NCAPH: variants seen among roughly 807,000 people sequenced by gnomAD.
NCAPH encodes condensin complex subunit 2.
In NCAPH, 38 loss-of-function variants were observed where a neutral mutation model predicts 85.5. That is an observed-to-expected ratio of 0.44 (90% CI 0.34 to 0.58). The LOEUF is 0.58. Among genes scored for constraint, NCAPH ranks in the 20% least tolerant of loss-of-function variants. The pLI is 0.01. For missense variants in NCAPH, 789 were observed against 916.6 expected, an observed-to-expected ratio of 0.86 and a Z score of 1.80; for synonymous variants, 301 against 335.1, an observed-to-expected ratio of 0.90 and a Z score of 1.11.
chr2:96,354,050 G>A (rs2064486274), intron 8 of NCAPH, 133 bp from the exon 9 acceptor site: 1 of 851,780 alleles, frequency 1.2e-6, no homozygotes, highest in African/African-American at 1.7e-5. Flanking sequence ...GCAGGGGATG[G>A]GAAAGGGAAG....
In NCAPH at chr2:96,335,805, C is replaced by T. The variant is rs1163387902; in HGVS notation, c.-25C>T. ...GCGTCTCGACGCGCGCGATTTAAAA[C>T]CAGCTCAGGAGACGCCAAGGAAAGA... On this transcript the variant is annotated 5_prime_UTR_variant, in exon 1 of 18. Coordinates refer to ENST00000240423, the MANE Select transcript of NCAPH (RefSeq NM_015341.5). The T allele has an allele frequency of 1.8e-5, 27 of 1,485,884 alleles. No homozygotes were observed. The highest frequency in any genetic ancestry group is 2.3e-5 in the Non-Finnish European group (26 of 1,121,504). The allele number at this position is 1,485,884 out of a possible 1,614,324, so 92.0% of individuals were successfully genotyped here.
At chr2:96,357,311 A>T (rs1055271239) in intron 9 of NCAPH, among the ~76,000 whole-genome samples, 1 of 152,168 alleles carries the variant, frequency 6.6e-6, no homozygotes, top group South Asian at 2.1e-4. Flanking sequence ...GGGACTGGAG[A>T]TGTTTGAAGT....
At chr2:96,370,585 A>G (rs943266053) in intron 17 of NCAPH, among the ~76,000 whole-genome samples, 1 of 152,192 alleles carries the variant, frequency 6.6e-6, no homozygotes, top group Non-Finnish European at 1.5e-5. Context: ...CCAGTGACCT[A>G]CCACTGGAAG....
intron 11 of NCAPH, 47 bp downstream of exon 11, chr2:96,360,296 C>A: frequency 8.9e-7 from 1 of 1,122,358 alleles, no homozygotes; most frequent in Non-Finnish European, 1.3e-6. Context: ...TTTTCCCTTT[C>A]AGATGTGATT....
chr2:96,369,557 A>G (rs775475284), intron 17 of NCAPH, 57 bp downstream of exon 17: 8 of 1,519,556 alleles, frequency 5.3e-6, no homozygotes, highest in Admixed American at 1.7e-5. Flanking sequence ...ATGTCAACTC[A>G]TTTAGCTTTG....
chr2:96,342,565 C>A (rs185771550), intron 3 of NCAPH, among the ~76,000 whole-genome samples, 191 bp from the exon 4 acceptor site: 1 of 152,336 alleles, frequency 6.6e-6, no homozygotes, highest in Admixed American at 6.5e-5. Context: ...TTTGTGCCGT[C>A]ATTCCCTAGC....
chr2:96,366,095 T>A (rs1176361564), intron 14 of NCAPH, 37 bp downstream of exon 14: 1 of 1,599,416 alleles, frequency 6.3e-7, no homozygotes, highest in Admixed American at 1.7e-5. Flanking sequence ...ATTGTTTGCC[T>A]GAAATCTATT....
In NCAPH at chr2:96,376,663, G is replaced by A. The variant is rs1007657166; in HGVS notation, c.*3312G>A. On this transcript the variant is annotated 3_prime_UTR_variant, in exon 18 of 18. Coordinates refer to ENST00000240423, the MANE Select transcript of NCAPH (RefSeq NM_015341.5). Reference sequence around the variant, plus strand: ...CACCACAAGGATTTGCAGCATCTGCGGCAACGAGTTTGGTGTCCTGGAGCA... The same window carrying A: ...CACCACAAGGATTTGCAGCATCTGCAGCAACGAGTTTGGTGTCCTGGAGCA... Among the ~76,000 whole-genome samples the A allele has an allele frequency of 6.6e-6, 1 of 152,176 alleles. No individual in the cohort carries two copies. Among genetic ancestry groups the A allele is most frequent in the South Asian group, 2.1e-4 (1 of 4,832 alleles).
At chr2:96,345,911 A>G (rs1434555137) in intron 6 of NCAPH, among the ~76,000 whole-genome samples, 2 of 152,158 alleles carry the variant, frequency 1.3e-5, no homozygotes, top group African/African-American at 4.8e-5. Flanking sequence ...GAATATAGGT[A>G]GTTGTTTTGA....
chr2:96,367,131 T>C, intron 14 of NCAPH, 126 bp from the exon 15 acceptor site: 1 of 617,506 alleles, frequency 1.6e-6, no homozygotes, highest in South Asian at 1.8e-5. Flanking sequence ...ACAAGAGAGC[T>C]CTGTAGCTCC....
At chr2:96,345,826 G>A (rs144885284) in intron 6 of NCAPH, among the ~76,000 whole-genome samples, 1 of 152,146 alleles carries the variant, frequency 6.6e-6, no homozygotes, top group Non-Finnish European at 1.5e-5. Context: ...ACAGAGATTC[G>A]TATTACTGTT....
At chr2:96,340,383 C>CTTTTTTT (rs908160989) in intron 1 of NCAPH, among the ~76,000 whole-genome samples, 3 of 91,238 alleles carry the variant, frequency 3.3e-5, no homozygotes, top group Non-Finnish European at 6.3e-5. Flanking sequence ...TAATAAGCAT[C>CTTTTTTT]TTTTTTTTTT....
chr2:96,369,544 T>C lies in NCAPH; in HGVS notation c.2166+44T>C, dbSNP rs147683498. ...CATGGGAGTATTAGAGTATTCCCTG[T>C]TTATGTCAACTCATTTAGCTTTGTA... On this transcript the variant is annotated intron_variant, in intron 17 of 17. Coordinates refer to ENST00000240423, the MANE Select transcript of NCAPH (RefSeq NM_015341.5). The C allele has an allele frequency of 5.4e-5, 84 of 1,542,336 alleles. No individual in the cohort carries two copies. In the African/African-American group the frequency reaches 9.9e-4, roughly 18 times the overall value.
chr2:96,351,748 T>C (rs2064445927), intron 6 of NCAPH, 83 bp from the exon 7 acceptor site: 12 of 1,224,866 alleles, frequency 9.8e-6, no homozygotes, highest in African/African-American at 1.5e-5. Flanking sequence ...TACCTGCTAA[T>C]GAGTGGGGCC....
chr2:96,374,319 G>A lies in NCAPH; in HGVS notation c.*968G>A, dbSNP rs1156626111. Among the ~76,000 whole-genome samples the A allele has an allele frequency of 6.6e-6, 1 of 152,178 alleles. No individual in the cohort carries two copies. The highest frequency in any genetic ancestry group is 1.5e-5 in the Non-Finnish European group (1 of 68,032). On this transcript the variant is annotated 3_prime_UTR_variant, in exon 18 of 18. Coordinates refer to ENST00000240423, the MANE Select transcript of NCAPH (RefSeq NM_015341.5). ...GGCTCAGCAGTGGGTGGAGAGCAGTGCTCAGATTTGTCCATCTCCACAGAA... is the reference window on the plus strand; with the variant it reads ...GGCTCAGCAGTGGGTGGAGAGCAGTACTCAGATTTGTCCATCTCCACAGAA...
chr2:96,354,292 ATG>A lies in NCAPH; in HGVS notation c.1113_1114del (p.Asp371GlufsTer3), dbSNP rs1412032238. ...GACTTCCCCGATGGGTCCCTGGGGG[ATG>A]ACTTTGATGCCAACGATGAACCTGA... On this transcript the variant is annotated frameshift_variant, in exon 9 of 18. Transcript: ENST00000240423. LOFTEE classifies it high-confidence loss of function. 6 of 1,613,996 alleles carry A rather than the reference ATG, an allele frequency of 3.7e-6. No individual in the cohort carries two copies. Among genetic ancestry groups the A allele is most frequent in the Non-Finnish European group, 5.1e-6 (6 of 1,179,996 alleles).
At chr2:96,357,812 TC>T (rs1332090012) in intron 9 of NCAPH, among the ~76,000 whole-genome samples, 1 of 152,186 alleles carries the variant, frequency 6.6e-6, no homozygotes, top group African/African-American at 2.4e-5. Flanking sequence ...TTTAGCTTAT[TC>T]CATATGGCTT....
rs768413080 is a variant in NCAPH at position 96,376,068 on chromosome 2, C to G, written c.*2717C>G. On this transcript the variant is annotated 3_prime_UTR_variant, in exon 18 of 18. Coordinates refer to ENST00000240423, the MANE Select transcript of NCAPH (RefSeq NM_015341.5). ...ATAGGTAACAGAAAACAAACTAATA[C>G]AAGTGGTAATGTGTCCAGCTAAAAA... is the stretch of plus-strand genomic sequence containing the variant. 1.3e-5 allele frequency among the ~76,000 whole-genome samples: 2 copies of G among 152,102 alleles called. No homozygotes were observed. Among genetic ancestry groups the G allele is most frequent in the Non-Finnish European group, 2.9e-5 (2 of 68,024 alleles).
At chr2:96,360,491 C>T (rs940450267) in intron 11 of NCAPH, 97 bp from the exon 12 acceptor site, 32 of 1,385,518 alleles carry the variant, frequency 2.3e-5, no homozygotes, top group Non-Finnish European at 3.1e-5. Flanking sequence ...ATGGTAGACT[C>T]ATGCTGCCCA....
Sources: allele counts gnomAD v4.1 joint callset (sites outside exome capture counted in the v4.1 genomes callset), GRCh38; gene constraint gnomAD v4.1.1; transcripts MANE v1.5; gene names NCBI Gene and HGNC (gene_info 2026-07-23, HGNC 2026-07-21).